Variants in MAP10 observed in about 807,000 individuals in gnomAD.
MAP10 encodes the protein microtubule-associated protein 10.
MAP10 carries 10 observed loss-of-function variants against 6.3 expected under a neutral mutation model. The observed-to-expected ratio is 1.58, with a 90% CI of 0.98 to 2.69. The LOEUF (loss-of-function observed/expected upper bound fraction) is 2.69. Among genes scored for constraint, MAP10 ranks in the 30% most tolerant of loss-of-function variants. MAP10 has a pLI of 0.00. For synonymous variants in MAP10, 459 were observed against 429.3 expected (o/e 1.07, Z -0.86); for missense variants, 1,189 against 1,086.5 (o/e 1.09, Z -1.33).
the MAP10 span, chr1:232,806,868 T>G: frequency 6.2e-7 from 1 of 1,611,476 alleles, no homozygotes; most frequent in Non-Finnish European, 8.5e-7. Context: ...TTGAAAACTA[T>G]AAGGAAGATA....
In MAP10 at chr1:232,807,785, A is replaced by T; in HGVS notation, c.2336A>T (p.His779Leu). The T allele has an allele frequency of 6.2e-7, 1 of 1,613,314 alleles. No homozygotes were observed. The highest frequency in any genetic ancestry group is 8.5e-7 in the Non-Finnish European group (1 of 1,179,698). Residue 779 changes from histidine (H) to leucine (L), a missense_variant, in exon 1 of 1, where the codon CAT becomes CTT. Physicochemically the swap from His to Leu is moderately conservative, Grantham distance 99 (BLOSUM62 -3). Transcript: ENST00000418460. ...GSPVHSYRKF[H>L]ISKTQDKSLE... ...CCTGTACACTCATACAGAAAATTTCATATTTCAAAGACTCAGGATAAAAGT... is the reference window on the plus strand; with the variant it reads ...CCTGTACACTCATACAGAAAATTTCTTATTTCAAAGACTCAGGATAAAAGT...
At position 232,805,422 on chromosome 1, in the gene MAP10, C is replaced by CGCG; in HGVS notation, c.-21_-19dup. The CGCG allele has an allele frequency of 6.2e-7, 1 of 1,612,744 alleles. No homozygotes were observed. On this transcript the variant is annotated 5_prime_UTR_variant, in exon 1 of 1. Coordinates refer to ENST00000418460, the MANE Select transcript of MAP10 (RefSeq NM_019090.3). Reference sequence around the variant, plus strand: ...GCTTCAGCTTCTCGTTTGCGGAGCCCGCGGCGGCGTTTCCTGGGGCAACAG... The same window carrying CGCG: ...GCTTCAGCTTCTCGTTTGCGGAGCCCGCGGCGGCGGCGTTTCCTGGGGCAACAG...
In MAP10 at chr1:232,806,524, G is replaced by A. The variant is rs1666106735; in HGVS notation, c.1075G>A (p.Ala359Thr). 6 of 1,613,800 alleles carry A rather than the reference G, an allele frequency of 3.7e-6. No homozygotes were observed. In the East Asian group the frequency reaches 1.3e-4, roughly 36 times the overall value. Residue 359 changes from alanine to threonine, a missense_variant, in exon 1 of 1, where the codon GCA becomes ACA. Transcript: ENST00000418460. ...TTGTCTAAAGCATCCAAGTTCTGCA[G>A]CACACGAACATCCTCCAATGCTTGT... ...RSCLKHPSSA[A>T]HEHPPMLVNP... is the part of the protein sequence containing the mutation.
In MAP10 at chr1:232,807,146, A is replaced by T; in HGVS notation, c.1697A>T (p.Asp566Val). 1 of 1,612,588 alleles carries T rather than the reference A, an allele frequency of 6.2e-7. No homozygotes were observed. The highest frequency in any genetic ancestry group is 8.5e-7 in the Non-Finnish European group (1 of 1,179,040). ...CCTGAAGATAAGTATTTAGATTCAG[A>T]TGCATCTTTCACTGAAAATAGTGAT... ...QLPEDKYLDS[D>V]ASFTENSDTS... The change falls in exon 1 of 1, where the codon GAT becomes GTT. Residue 566 changes from aspartate (D) to valine (V), a missense_variant. Physicochemically the swap from Asp to Val is radical, Grantham distance 152. Coordinates refer to ENST00000418460, the MANE Select transcript of MAP10 (RefSeq NM_019090.3).
rs1666137940 is a variant in MAP10 at position 232,807,990 on chromosome 1, A to G, written c.2541A>G (p.Gln847=). Residue 847 remains glutamine (Q), a synonymous_variant, in exon 1 of 1, where the codon CAA becomes CAG. Transcript: ENST00000418460. The stretch of plus-strand genomic sequence containing the variant: ...CTTTAGAAAAAAGCCAGTCACCACA[A>G]ACATCCCAGGTGAGTTCTTACCTGC... ...WKSLEKSQSP[Q]TSQVSSYLPS... is the part of the protein sequence containing the mutation. 3.1e-6 allele frequency: 5 copies of G among 1,613,584 alleles called. No individual in the cohort carries two copies. In the African/African-American group the frequency reaches 4.0e-5, roughly 13 times the overall value.
rs1666148144 is a variant in MAP10 at position 232,808,615 on chromosome 1, A to G, written c.*448A>G. Among the ~76,000 whole-genome samples, 1 of 152,214 alleles carries G rather than the reference A, an allele frequency of 6.6e-6. No homozygotes were observed. The highest frequency in any genetic ancestry group is 2.4e-5 in the African/African-American group (1 of 41,478). Reference sequence around the variant, plus strand: ...GAGCCCTGCTGTTTTAAAAGCTTACAGTTGTATGTAGATAAGAAGTCTTCC... The same window carrying G: ...GAGCCCTGCTGTTTTAAAAGCTTACGGTTGTATGTAGATAAGAAGTCTTCC... On this transcript the variant is annotated 3_prime_UTR_variant, in exon 1 of 1. Coordinates refer to ENST00000418460, the MANE Select transcript of MAP10 (RefSeq NM_019090.3).
chr1:232,806,872 G>C lies in MAP10; in HGVS notation c.1423G>C (p.Glu475Gln), dbSNP rs1390855118. ...AAAGAACCAAATTGAAAACTATAAG[G>C]AAGATAAATATTCTGAAAAGAGCAG... The part of the protein sequence containing the change: ...YKKNQIENYK[E>Q]DKYSEKSSGA... The change falls in exon 1 of 1, where the codon GAA (glutamate) becomes CAA (glutamine). Residue 475 changes from glutamate (E) to glutamine (Q), a missense_variant. Transcript: ENST00000418460. 2 of 1,611,228 alleles carry C rather than the reference G, an allele frequency of 1.2e-6. No homozygotes were observed. Among genetic ancestry groups the C allele is most frequent in the Non-Finnish European group, 1.7e-6 (2 of 1,179,034 alleles).
At position 232,806,545 on chromosome 1, in the gene MAP10, C is replaced by G. The variant is rs879048155; in HGVS notation, c.1096C>G (p.Leu366Val). 6.2e-7 allele frequency: 1 copy of G among 1,613,932 alleles called. No homozygotes were observed. Among genetic ancestry groups the G allele is most frequent in the South Asian group, 1.1e-5 (1 of 91,076 alleles). The change falls in exon 1 of 1, where the codon CTT becomes GTT. Residue 366 changes from leucine (L) to valine (V), a missense_variant. Physicochemically the swap from Leu to Val is conservative, Grantham distance 32 (BLOSUM62 1). Transcript: ENST00000418460. ...TGCAGCACACGAACATCCTCCAATG[C>G]TTGTAAATCCTCCACATATTCAGAA... Reference protein sequence around the residue: ...SSAAHEHPPMLVNPPHIQNIG... With the variant: ...SSAAHEHPPMVVNPPHIQNIG...
Position 232,805,879 on chromosome 1 carries a change from C to T in MAP10, c.430C>T (p.His144Tyr). 1 of 1,599,986 alleles carries T rather than the reference C, an allele frequency of 6.3e-7. No homozygotes were observed. Among genetic ancestry groups the T allele is most frequent in the African/African-American group, 1.3e-5 (1 of 74,704 alleles). The change falls in exon 1 of 1, where the codon CAC (histidine) becomes TAC (tyrosine). Residue 144 changes from histidine to tyrosine, a missense_variant. His to Tyr is a moderately conservative substitution (Grantham distance 83). Coordinates refer to ENST00000418460, the MANE Select transcript of MAP10 (RefSeq NM_019090.3). ...ACDISLATAA[H>Y]RVVGPAASGC... ...CGACATTTCGCTGGCCACCGCAGCG[C>T]ACAGGGTCGTGGGGCCGGCCGCCTC...
rs1666118135 is a variant in MAP10 at position 232,807,043 on chromosome 1, T to C, written c.1594T>C (p.Leu532=). The C allele has an allele frequency of 6.2e-7, 1 of 1,613,066 alleles. No homozygotes were observed. Residue 532 remains leucine, a synonymous_variant, in exon 1 of 1, where the codon TTG becomes CTG. Coordinates refer to ENST00000418460, the MANE Select transcript of MAP10 (RefSeq NM_019090.3). Reference sequence around the variant, plus strand: ...ATATAGAAAAAGACAATCACAAATGTTGGGTACAAAATTCAGAATTCCGTC... The same window carrying C: ...ATATAGAAAAAGACAATCACAAATGCTGGGTACAAAATTCAGAATTCCGTC... ...ELYRKRQSQM[L]GTKFRIPSSK...
Position 232,808,672 on chromosome 1 carries a change from G to A in MAP10, c.*505G>A, listed in dbSNP as rs1666149575. ...TATACATATCCCATATCCCCAATAG[G>A]TGAAGTTGCTTTTATATGCTCTCAT... On this transcript the variant is annotated 3_prime_UTR_variant, in exon 1 of 1. Transcript: ENST00000418460. Among the ~76,000 whole-genome samples the A allele has an allele frequency of 6.6e-6, 1 of 152,086 alleles. No homozygotes were observed. The highest frequency in any genetic ancestry group is 6.5e-5 in the Admixed American group (1 of 15,274).
chr1:232,805,791 C>T lies in MAP10; in HGVS notation c.342C>T (p.Ala114=), dbSNP rs1183050020. 5 of 1,598,810 alleles carry T rather than the reference C, an allele frequency of 3.1e-6. No individual in the cohort carries two copies. Among genetic ancestry groups the T allele is most frequent in the Non-Finnish European group, 4.3e-6 (5 of 1,173,466 alleles). ...LHCRLLRTPL[A]TLLLQLPPGR... is the part of the protein sequence containing the mutation. Reference sequence around the variant, plus strand: ...GCCGGCTCCTGCGGACCCCGCTTGCCACCTTGCTGCTGCAGCTGCCCCCTG... The same window carrying T: ...GCCGGCTCCTGCGGACCCCGCTTGCTACCTTGCTGCTGCAGCTGCCCCCTG... Residue 114 remains alanine, a synonymous_variant, in exon 1 of 1, where the codon GCC becomes GCT. Transcript: ENST00000418460.
chr1:232,807,883 A>G lies in MAP10; in HGVS notation c.2434A>G (p.Ile812Val), dbSNP rs752291249. ...TTGGACTGAACAAAAAGAAAACCAG[A>G]TAGATCAAAATAGTATGCACAATTC... is the stretch of plus-strand genomic sequence containing the variant. ...THWTEQKENQ[I>V]DQNSMHNSEI... Residue 812 changes from isoleucine (I) to valine (V), a missense_variant, in exon 1 of 1, where the codon ATA becomes GTA. Transcript: ENST00000418460. 1.2e-6 allele frequency: 2 copies of G among 1,613,698 alleles called. No homozygotes were observed. The highest frequency in any genetic ancestry group is 8.5e-7 in the Non-Finnish European group (1 of 1,179,762).
In MAP10 at chr1:232,806,532, A is replaced by G. The variant is rs1666106995; in HGVS notation, c.1083A>G (p.Glu361=). 6.2e-7 allele frequency: 1 copy of G among 1,613,976 alleles called. No individual in the cohort carries two copies. Among genetic ancestry groups the G allele is most frequent in the South Asian group, 1.1e-5 (1 of 91,086 alleles). ...CLKHPSSAAH[E]HPPMLVNPPH... ...AGCATCCAAGTTCTGCAGCACACGA[A>G]CATCCTCCAATGCTTGTAAATCCTC... Residue 361 remains glutamate (E), a synonymous_variant, in exon 1 of 1, where the codon GAA becomes GAG. Coordinates refer to ENST00000418460, the MANE Select transcript of MAP10 (RefSeq NM_019090.3).
At position 232,807,091 on chromosome 1, in the gene MAP10, T is replaced by G; in HGVS notation, c.1642T>G (p.Ser548Ala). The G allele has an allele frequency of 6.2e-7, 1 of 1,611,656 alleles. No homozygotes were observed. The highest frequency in any genetic ancestry group is 8.5e-7 in the Non-Finnish European group (1 of 1,179,178). Residue 548 changes from serine to alanine, a missense_variant, in exon 1 of 1, where the codon TCT becomes GCT. By Grantham distance (99) the Ser-to-Ala change is moderately conservative. Transcript: ENST00000418460. ...IPSSKVKLLSSAEQSQKPQLP... is the reference protein window; with the variant it reads ...IPSSKVKLLSAAEQSQKPQLP... ...GTCATCCAAAGTTAAACTATTAAGC[T>G]CTGCAGAACAAAGTCAGAAGCCACA...
chr1:232,808,181 T>G lies in MAP10; in HGVS notation c.*14T>G. 6.6e-7 allele frequency: 1 copy of G among 1,509,456 alleles called. No individual in the cohort carries two copies. The highest frequency in any genetic ancestry group is 8.9e-7 in the Non-Finnish European group (1 of 1,124,778). The allele number at this position is 1,509,456 out of a possible 1,614,324, so 93.5% of individuals were successfully genotyped here. A position where few individuals can be genotyped will look rare whatever the true frequency, so the allele number is the denominator to read the frequency against. On this transcript the variant is annotated 3_prime_UTR_variant, in exon 1 of 1. Transcript: ENST00000418460. ...TACACAATGTAAAAATACATGCTTTTAAAAAACTTTCAAGGACCTATGTGT... is the reference window on the plus strand; with the variant it reads ...TACACAATGTAAAAATACATGCTTTGAAAAAACTTTCAAGGACCTATGTGT...
Position 232,806,045 on chromosome 1 carries a change from C to T in MAP10, c.596C>T (p.Thr199Ile), listed in dbSNP as rs1166854369. The T allele has an allele frequency of 3.7e-6, 6 of 1,614,000 alleles. No homozygotes were observed. In the East Asian group the frequency reaches 1.3e-4, roughly 36 times the overall value. The change falls in exon 1 of 1, where the codon ACC becomes ATC. Residue 199 changes from threonine to isoleucine, a missense_variant. Physicochemically the swap from Thr to Ile is moderately conservative, Grantham distance 89. Coordinates refer to ENST00000418460, the MANE Select transcript of MAP10 (RefSeq NM_019090.3). ...LSQLERPLTF[T>I]RTGGGAEVSP... ...CAACTTGAGCGGCCCCTCACCTTCA[C>T]CCGCACAGGAGGAGGAGCGGAGGTC...
Position 232,805,510 on chromosome 1 carries a change from T to C in MAP10, c.61T>C (p.Leu21=), listed in dbSNP as rs1185697311. The C allele has an allele frequency of 2.5e-6, 4 of 1,571,036 alleles. No individual in the cohort carries two copies. The African/African-American group carries it at 5.4e-5, about 21-fold the overall frequency. The change falls in exon 1 of 1, where the codon TTG becomes CTG. Residue 21 remains leucine, a synonymous_variant. Coordinates refer to ENST00000418460, the MANE Select transcript of MAP10 (RefSeq NM_019090.3). ...GGAGCTGCTGGTGGACTGGGTGCGT[T>C]TGGAAGCCCGGCTGCTGCCGTCCCC... is the stretch of plus-strand genomic sequence containing the variant. ...SLELLVDWVR[L]EARLLPSPAA... is the part of the protein sequence containing the mutation.
In MAP10 at chr1:232,807,630, T is replaced by C; in HGVS notation, c.2181T>C (p.Asp727=). ...CCAGCAGAAGTTTCAAAGCTCATGA[T>C]AGCAGTTCAAGGACAGAAAATCCAA... ...EDTSRSFKAH[D]SSSRTENPKH... is the part of the protein sequence containing the mutation. The change falls in exon 1 of 1, where the codon GAT becomes GAC. Residue 727 remains aspartate (D), a synonymous_variant. Coordinates refer to ENST00000418460, the MANE Select transcript of MAP10 (RefSeq NM_019090.3). 2 of 1,610,362 alleles carry C rather than the reference T, an allele frequency of 1.2e-6. No homozygotes were observed. Among genetic ancestry groups the C allele is most frequent in the East Asian group, 2.2e-5 (1 of 44,828 alleles).
Sources: allele counts gnomAD v4.1 joint callset (sites outside exome capture counted in the v4.1 genomes callset), GRCh38; gene constraint gnomAD v4.1.1; transcripts MANE v1.5; gene names NCBI Gene and HGNC (gene_info 2026-07-23, HGNC 2026-07-21).